Variants in MAGI1 observed in about 807,000 individuals in gnomAD.
MAGI1 encodes the protein membrane-associated guanylate kinase, WW and PDZ domain-containing protein 1.
In MAGI1, 58 loss-of-function variants were observed where a neutral mutation model predicts 139.9. That is an observed-to-expected ratio of 0.41 (90% CI 0.34 to 0.52). The LOEUF (loss-of-function observed/expected upper bound fraction) is 0.52. Ranked by LOEUF, MAGI1 falls within the 20% of genes least tolerant of loss-of-function variation. The pLI, the probability that MAGI1 is intolerant of heterozygous loss-of-function variation, is 0.12. For synonymous variants in MAGI1, 812 were observed against 737.9 expected, an observed-to-expected ratio of 1.10 and a Z score of -1.63; for missense variants, 1,874 against 1,901.6, an observed-to-expected ratio of 0.99 and a Z score of 0.27.
intron 1 of MAGI1, among the ~76,000 whole-genome samples, chr3:65,745,091 CATA>C (rs1397488726): frequency 1.3e-5 from 2 of 152,054 alleles, no homozygotes; most frequent in Non-Finnish European, 2.9e-5. Context: ...TTTAACTTAG[CATA>C]ATGTTTTCAA....
chr3:65,926,327 T>TTCTCTCTCTCTC (rs377665681), intron 1 of MAGI1, among the ~76,000 whole-genome samples: 1,482 of 115,554 alleles, frequency 0.013, 42 homozygotes, highest in East Asian at 0.022. Context: ...AAGTCTTCTT[T>TTCTCTCTCTCTC]TCTCTCTCTC....
At chr3:65,735,579 G>A (rs1180483420) in intron 1 of MAGI1, among the ~76,000 whole-genome samples, 3 of 152,056 alleles carry the variant, frequency 2.0e-5, no homozygotes, top group Non-Finnish European at 2.9e-5. Context: ...GGTATTCACG[G>A]CTCTTGCTAG....
intron 1 of MAGI1, among the ~76,000 whole-genome samples, chr3:65,724,116 T>C (rs1645555440): frequency 6.6e-6 from 1 of 152,240 alleles, no homozygotes; most frequent in South Asian, 2.1e-4. Context: ...AGGCAACACA[T>C]GTCCTCGAGC....
intron 1 of MAGI1, among the ~76,000 whole-genome samples, chr3:65,848,284 T>C (rs1495451): frequency 0.42 from 63,150 of 152,028 alleles, 13,704 homozygotes; most frequent in South Asian, 0.57. Flanking sequence ...AGAATTAAAG[T>C]GGCGAGCTAA....
intron 1 of MAGI1, chr3:65,843,963 C>T (rs961294800): frequency 1.4e-5 from 3 of 207,752 alleles, no homozygotes; most frequent in Non-Finnish European, 2.9e-5. Context: ...TTTTCATTTT[C>T]ACTGCAAGAA....
At chr3:65,607,608 A>T (rs914147148) in intron 2 of MAGI1, among the ~76,000 whole-genome samples, 1 of 152,202 alleles carries the variant, frequency 6.6e-6, no homozygotes, top group Non-Finnish European at 1.5e-5. Flanking sequence ...AATAAAACAC[A>T]AAGCTCACTG....
intron 1 of MAGI1, among the ~76,000 whole-genome samples, chr3:65,779,254 C>A (rs1384288854): frequency 1.3e-5 from 2 of 152,166 alleles, no homozygotes; most frequent in African/African-American, 4.8e-5. Context: ...ACCCAGGGCT[C>A]TGGCAGCGTT....
chr3:65,933,924 G>A (rs2060025), intron 1 of MAGI1, among the ~76,000 whole-genome samples: 2,682 of 152,134 alleles, frequency 0.018, 29 homozygotes, highest in Middle Eastern at 0.031. Flanking sequence ...TCAGGAGTTC[G>A]AGACCAGCCT....
chr3:65,841,049 G>T (rs1184910516), intron 1 of MAGI1, among the ~76,000 whole-genome samples: 1 of 152,172 alleles, frequency 6.6e-6, no homozygotes, highest in Admixed American at 6.5e-5. Context: ...TCTCAGTCAT[G>T]AAATTGATAT....
At chr3:65,495,453 T>C (rs912602602) in intron 2 of MAGI1, among the ~76,000 whole-genome samples, 6 of 152,176 alleles carry the variant, frequency 3.9e-5, no homozygotes, top group Non-Finnish European at 7.3e-5. Flanking sequence ...TCTGTTTATG[T>C]ATATGTGTGT....
At chr3:65,787,342 C>T (rs971390289) in intron 1 of MAGI1, among the ~76,000 whole-genome samples, 1 of 151,798 alleles carries the variant, frequency 6.6e-6, no homozygotes, top group African/African-American at 2.4e-5. Flanking sequence ...TAAAAGAAAC[C>T]GGATCACCAA....
At chr3:65,490,121 G>A (rs1163348971) in intron 3 of MAGI1, among the ~76,000 whole-genome samples, 1 of 152,208 alleles carries the variant, frequency 6.6e-6, no homozygotes, top group Non-Finnish European at 1.5e-5. Flanking sequence ...TTTGAACTAG[G>A]TGCGTGTAAA....
At chr3:65,630,247 T>C (rs977320821) in intron 1 of MAGI1, among the ~76,000 whole-genome samples, 1 of 152,170 alleles carries the variant, frequency 6.6e-6, no homozygotes. Context: ...CAGCAGGGTA[T>C]ATGCCTGCTT....
chr3:65,535,434 A>T (rs915150210), intron 2 of MAGI1, among the ~76,000 whole-genome samples: 1 of 152,224 alleles, frequency 6.6e-6, no homozygotes, highest in African/African-American at 2.4e-5. Flanking sequence ...AGCAACAGGA[A>T]GAGGAAGAAG....
chr3:65,943,711 C>G (rs970159801), intron 1 of MAGI1, among the ~76,000 whole-genome samples: 1 of 152,038 alleles, frequency 6.6e-6, no homozygotes, highest in African/African-American at 2.4e-5. Context: ...ACAGATTTCA[C>G]TACAGTCACT....
At chr3:65,694,441 TA>T (rs34599584) in intron 1 of MAGI1, among the ~76,000 whole-genome samples, 1 of 151,708 alleles carries the variant, frequency 6.6e-6, no homozygotes, top group Admixed American at 6.6e-5. Context: ...TAGTAAGTGC[TA>T]AAAAAAATAT....
intron 1 of MAGI1, among the ~76,000 whole-genome samples, chr3:65,825,634 A>G (rs1459946233): frequency 6.6e-6 from 1 of 152,246 alleles, no homozygotes; most frequent in Non-Finnish European, 1.5e-5. Flanking sequence ...CCTAAAAGGT[A>G]ACATAAAACT....
intron 1 of MAGI1, among the ~76,000 whole-genome samples, chr3:65,930,315 CAAAAAAAAAAAA>C (rs58258730): frequency 0.016 from 1,418 of 87,660 alleles, 35 homozygotes; most frequent in Middle Eastern, 0.062. Flanking sequence ...GACTCCGTCT[CAAAAAAAAAAAA>C]AAAAAAAAAA....
Position 65,510,231 on chromosome 3 carries a change from G to C in MAGI1, c.431-16600C>G, listed in dbSNP as rs1228148868. Reference sequence around the variant, plus strand: ...AAACAGAACAGAAAAACTGGAAACTGTAAAACGCAGAGCGCCTCTCCTCCT... The same window carrying C: ...AAACAGAACAGAAAAACTGGAAACTCTAAAACGCAGAGCGCCTCTCCTCCT... On this transcript the variant is annotated intron_variant, in intron 2 of 22. Coordinates refer to ENST00000402939, the MANE Select transcript of MAGI1 (RefSeq NM_001033057.2). Among the ~76,000 whole-genome samples the C allele has an allele frequency of 1.6e-4, 25 of 152,272 alleles. No homozygotes were observed. In the South Asian group the frequency reaches 4.4e-3, roughly 27 times the overall value.
Sources: gnomAD v4.1 joint callset for allele counts (sites outside exome capture counted in the v4.1 genomes callset) on GRCh38, gnomAD v4.1.1 for gene constraint, MANE v1.5 for transcripts, NCBI Gene and HGNC (gene_info 2026-07-23, HGNC 2026-07-21) for gene names.